The following PRKAA2 variants were observed in gnomAD, a reference collection of about 807,000 sequenced individuals.
The protein encoded by PRKAA2 is 5'-AMP-activated protein kinase catalytic subunit alpha-2.
PRKAA2 carries 40 observed loss-of-function variants against 56.3 expected under a neutral mutation model. The ratio of observed to expected loss-of-function variants is 0.71; its 90% CI spans 0.55 to 0.92. The LOEUF (loss-of-function observed/expected upper bound fraction) is 0.92, where lower values mean the gene tolerates loss of function less well. Ranked by LOEUF, PRKAA2 falls within the 40% of genes least tolerant of loss-of-function variation. The pLI is 0.00. For missense variants in PRKAA2, 542 were observed against 686.9 expected (o/e 0.79, Z 2.36); for synonymous variants, 214 against 234.2 (o/e 0.91, Z 0.79).
At chr1:56,699,617 T>C (rs1293229295) in intron 6 of PRKAA2, among the ~76,000 whole-genome samples, 1 of 152,250 alleles carries the variant, frequency 6.6e-6, no homozygotes, top group Non-Finnish European at 1.5e-5. Flanking sequence ...ATAATTCACA[T>C]ATCATAAATT....
Position 56,692,336 on chromosome 1 carries a change from C to T in PRKAA2, c.331-22C>T, listed in dbSNP as rs538702925. 1.1e-5 allele frequency: 18 copies of T among 1,613,360 alleles called. No individual in the cohort carries two copies. The South Asian group carries it at 1.9e-4, about 17-fold the overall frequency. ...TGCCCAGCCCCAGATATTCTTAATGCAGTTTCTTTTGTGCTTGATAGGTTG... is the reference window on the plus strand; with the variant it reads ...TGCCCAGCCCCAGATATTCTTAATGTAGTTTCTTTTGTGCTTGATAGGTTG... On this transcript the variant is annotated intron_variant, in intron 3 of 8. Coordinates refer to ENST00000371244, the MANE Select transcript of PRKAA2 (RefSeq NM_006252.4).
intron 1 of PRKAA2, among the ~76,000 whole-genome samples, chr1:56,652,420 G>T (rs1009725346): frequency 6.6e-6 from 1 of 152,206 alleles, no homozygotes; most frequent in Admixed American, 6.5e-5. Context: ...CTCCCAAAGT[G>T]CTGGGATTAC....
intron 1 of PRKAA2, among the ~76,000 whole-genome samples, chr1:56,661,607 G>A (rs988587561): frequency 6.6e-6 from 1 of 151,904 alleles, no homozygotes; most frequent in African/African-American, 2.4e-5. Context: ...CATCTTGGTT[G>A]TTATGATTAA....
chr1:56,681,766 G>C (rs1008391202), intron 2 of PRKAA2, among the ~76,000 whole-genome samples: 1 of 152,154 alleles, frequency 6.6e-6, no homozygotes, highest in Non-Finnish European at 1.5e-5. Flanking sequence ...TAGCCTTGTA[G>C]TATAGTTTGA....
chr1:56,698,897 A>G (rs1321269466), intron 6 of PRKAA2, among the ~76,000 whole-genome samples: 2 of 152,182 alleles, frequency 1.3e-5, no homozygotes, highest in East Asian at 3.8e-4. Flanking sequence ...TATTATCTTC[A>G]TGGAAAACAC....
chr1:56,700,999 G>A (rs1430109240), intron 6 of PRKAA2, among the ~76,000 whole-genome samples: 3 of 152,126 alleles, frequency 2.0e-5, no homozygotes, highest in African/African-American at 4.8e-5. Flanking sequence ...TGAATAAACA[G>A]TCTTCAGATT....
At chr1:56,656,803 C>A (rs993438029) in intron 1 of PRKAA2, among the ~76,000 whole-genome samples, 1 of 152,162 alleles carries the variant, frequency 6.6e-6, no homozygotes, top group Non-Finnish European at 1.5e-5. Flanking sequence ...GCCATCCTGA[C>A]GTTCTGTGTT....
chr1:56,665,597 C>A (rs2796517), intron 1 of PRKAA2, among the ~76,000 whole-genome samples: 76 of 151,970 alleles, frequency 5.0e-4, no homozygotes, highest in African/African-American at 1.8e-3. Flanking sequence ...TAGTAGTTAC[C>A]CATTTTGCAT....
intron 2 of PRKAA2, among the ~76,000 whole-genome samples, chr1:56,677,116 A>T (rs2746337): frequency 0.99 from 150,088 of 152,268 alleles, 73,970 homozygotes; most frequent in East Asian, 1. Flanking sequence ...TTTCCTATCC[A>T]TTGTTTCTTT....
intron 6 of PRKAA2, among the ~76,000 whole-genome samples, chr1:56,702,372 G>T (rs541256284): frequency 1.3e-3 from 201 of 152,224 alleles, no homozygotes; most frequent in African/African-American, 4.7e-3. Flanking sequence ...CGTGAGCCAC[G>T]GCGCCCAGCA....
At chr1:56,700,925 G>A (rs867625803) in intron 6 of PRKAA2, among the ~76,000 whole-genome samples, 22 of 152,180 alleles carry the variant, frequency 1.4e-4, no homozygotes, top group East Asian at 7.7e-4. Flanking sequence ...AAAGGGAAGC[G>A]GACTTAGGGC....
At chr1:56,692,892 C>A (rs1323820856) in intron 4 of PRKAA2, among the ~76,000 whole-genome samples, 1 of 150,724 alleles carries the variant, frequency 6.6e-6, no homozygotes, top group Non-Finnish European at 1.5e-5. Flanking sequence ...AACCAAGGTA[C>A]CTGAAAATAT....
intron 2 of PRKAA2, among the ~76,000 whole-genome samples, chr1:56,687,237 T>G (rs1431954985): frequency 6.6e-6 from 1 of 152,012 alleles, no homozygotes; most frequent in Non-Finnish European, 1.5e-5. Flanking sequence ...ATAACAATGG[T>G]CAAATCAAAT....
At chr1:56,700,487 C>T (rs1644286901) in intron 6 of PRKAA2, among the ~76,000 whole-genome samples, 1 of 152,072 alleles carries the variant, frequency 6.6e-6, no homozygotes, top group African/African-American at 2.4e-5. Context: ...TTTCTGAGTC[C>T]CAGAAATATA....
chr1:56,695,126 G>A (rs1302784385), intron 5 of PRKAA2, among the ~76,000 whole-genome samples: 7 of 149,824 alleles, frequency 4.7e-5, no homozygotes, highest in Non-Finnish European at 1.0e-4. Flanking sequence ...TGTCTACACA[G>A]TACTAATTAA....
chr1:56,680,341 GT>G (rs772401434), intron 2 of PRKAA2, among the ~76,000 whole-genome samples: 57 of 149,196 alleles, frequency 3.8e-4, no homozygotes, highest in Admixed American at 7.3e-4. Context: ...AGGAATTATG[GT>G]TTTTTTTTTA....
Position 56,707,479 on chromosome 1 carries a change from A to G in PRKAA2, c.1425A>G (p.Glu475=). The G allele has an allele frequency of 6.2e-7, 1 of 1,613,884 alleles. No individual in the cohort carries two copies. The highest frequency in any genetic ancestry group is 8.5e-7 in the Non-Finnish European group (1 of 1,179,798). ...YLLDFKSIDD[E]VVEQRSGSST... is the part of the protein sequence containing the mutation. ...CTCTTCTTTGGTCCATTTCAGATGA[A>G]GTAGTGGAGCAGAGATCTGGTTCCT... Residue 475 remains glutamate, a synonymous_variant, in exon 9 of 9, where the codon GAA becomes GAG. Transcript: ENST00000371244.
At chr1:56,683,480 A>G (rs935317735) in intron 2 of PRKAA2, among the ~76,000 whole-genome samples, 1 of 152,116 alleles carries the variant, frequency 6.6e-6, no homozygotes, top group Non-Finnish European at 1.5e-5. Context: ...AAGTGGAAAA[A>G]TAAAGCCAGA....
At chr1:56,658,261 T>C (rs913042483) in intron 1 of PRKAA2, among the ~76,000 whole-genome samples, 1 of 152,186 alleles carries the variant, frequency 6.6e-6, no homozygotes, top group Non-Finnish European at 1.5e-5. Context: ...TGTAAAATTA[T>C]GTAGTCAACA....
Sources: allele counts gnomAD v4.1 joint callset (sites outside exome capture counted in the v4.1 genomes callset), GRCh38; gene constraint gnomAD v4.1.1; transcripts MANE v1.5; gene names NCBI Gene and HGNC (gene_info 2026-07-23, HGNC 2026-07-21).